The following PIM1 variants were observed in gnomAD, a reference collection of about 807,000 sequenced individuals.
The protein encoded by PIM1 is serine/threonine-protein kinase pim-1.
PIM1 carries 9 observed loss-of-function variants against 34.5 expected under a neutral mutation model. The observed-to-expected ratio is 0.26, with a 90% CI of 0.16 to 0.46. The LOEUF (loss-of-function observed/expected upper bound fraction) is 0.46, where lower values mean the gene tolerates loss of function less well. PIM1 is among the 20% of genes least tolerant of loss of function. PIM1 has a pLI of 1.00. For missense variants in PIM1, 274 were observed against 410.9 expected (o/e 0.67, Z 2.88); for synonymous variants, 199 against 175.2 (o/e 1.14, Z -1.07).
rs756971443 is a variant in PIM1 at position 37,171,130 on chromosome 6, T to C, written c.246T>C (p.Asn82=). The change falls in exon 4 of 6, where the codon AAT becomes AAC. Residue 82 remains asparagine, a synonymous_variant. Transcript: ENST00000373509. ...CGGCCCCCTCGCCCCTGCAGCCTAA[T>C]GGCACTCGAGTGCCCATGGAAGTGG... ...DRISDWGELP[N]GTRVPMEVVL... is the part of the protein sequence containing the mutation. 13 of 1,613,854 alleles carry C rather than the reference T, an allele frequency of 8.1e-6. No homozygotes were observed. The South Asian group carries it at 1.3e-4, about 16-fold the overall frequency.
At chr6:37,172,642 ATACCTTTCTTGG>A (rs1468599348) in intron 4 of PIM1, 2 of 485,324 alleles carry the variant, frequency 4.1e-6, no homozygotes, top group Admixed American at 4.6e-5. Flanking sequence ...AGTCTATGAG[ATACCTTTCTTGG>A]TTGTGCAGAC....
intron 4 of PIM1, 23 bp downstream of exon 4, chr6:37,171,514 C>G: frequency 6.2e-7 from 1 of 1,610,132 alleles, no homozygotes; most frequent in Non-Finnish European, 8.5e-7. Context: ...CGGGAGGGAG[C>G]TGCCCAGGTG....
Position 37,170,753 on chromosome 6 carries a change from C to T in PIM1, c.83-20C>T. 3.1e-6 allele frequency: 5 copies of T among 1,610,676 alleles called. No homozygotes were observed. The highest frequency in any genetic ancestry group is 4.2e-6 in the Non-Finnish European group (5 of 1,178,926). On this transcript the variant is annotated intron_variant, in intron 1 of 5. Transcript: ENST00000373509. ...GGCTCGCGGGCCGGCACTGAGTCCCCGTGCTTCCCCCTTTCCTAGGCAAGG... is the reference window on the plus strand; with the variant it reads ...GGCTCGCGGGCCGGCACTGAGTCCCTGTGCTTCCCCCTTTCCTAGGCAAGG...
At chr6:37,171,527 TCGGCCCGGCC>T (rs753471610) in intron 4 of PIM1, 36 bp downstream of exon 4, 7 of 1,603,300 alleles carry the variant, frequency 4.4e-6, no homozygotes, top group African/African-American at 2.7e-5. Context: ...CCCAGGTGAC[TCGGCCCGGCC>T]CGGCCCAGTC....
At position 37,170,639 on chromosome 6, in the gene PIM1, G is replaced by T. The variant is rs776506228; in HGVS notation, c.64G>T (p.Ala22Ser). 1.2e-6 allele frequency: 2 copies of T among 1,612,322 alleles called. No individual in the cohort carries two copies. The highest frequency in any genetic ancestry group is 1.7e-6 in the Non-Finnish European group (2 of 1,179,402). Residue 22 changes from alanine to serine, a missense_variant, in exon 1 of 6, where the codon GCC becomes TCC. Physicochemically the swap from Ala to Ser is moderately conservative, Grantham distance 99. Coordinates refer to ENST00000373509, the MANE Select transcript of PIM1 (RefSeq NM_002648.4). Reference sequence around the variant, plus strand: ...CGCCGCGCCCTGCAACGACCTGCACGCCACCAAGCTGGCGCCCGGTGAGAG... The same window carrying T: ...CGCCGCGCCCTGCAACGACCTGCACTCCACCAAGCTGGCGCCCGGTGAGAG... ...LRAAPCNDLH[A>S]TKLAPGKEKE... is the part of the protein sequence containing the mutation.
In PIM1 at chr6:37,170,625, G is replaced by T. The variant is rs532972131; in HGVS notation, c.50G>T (p.Cys17Phe). The T allele has an allele frequency of 1.2e-5, 19 of 1,612,634 alleles. No homozygotes were observed. Among genetic ancestry groups the T allele is most frequent in the Non-Finnish European group, 1.6e-5 (19 of 1,179,562 alleles). ...NSLAHLRAAP[C>F]NDLHATKLAP... ...CTTGCCCACCTGCGCGCCGCGCCCT[G>T]CAACGACCTGCACGCCACCAAGCTG... is the stretch of plus-strand genomic sequence containing the variant. The change falls in exon 1 of 6, where the codon TGC (cysteine) becomes TTC (phenylalanine). Residue 17 changes from cysteine (C) to phenylalanine (F), a missense_variant. This residue lies in a region of PIM1 where 106 missense variants were observed against 111.5 expected (regional missense o/e 0.95). Coordinates refer to ENST00000373509, the MANE Select transcript of PIM1 (RefSeq NM_002648.4).
At chr6:37,171,590 T>C (rs962300419) in intron 4 of PIM1, 99 bp downstream of exon 4, 3 of 1,419,940 alleles carry the variant, frequency 2.1e-6, no homozygotes, top group African/African-American at 2.9e-5. Flanking sequence ...TTTGTAAAGG[T>C]CATTGGGCCG....
chr6:37,174,322 CTCT>C lies in PIM1; in HGVS notation c.*238_*240del, dbSNP rs1026760142. 2.9e-5 allele frequency: 9 copies of C among 314,842 alleles called. No individual in the cohort carries two copies. The highest frequency in any genetic ancestry group is 1.9e-4 in the African/African-American group (8 of 41,756). The allele number at this position is 314,842 out of a possible 1,614,324, so 19.5% of individuals were successfully genotyped here. On this transcript the variant is annotated 3_prime_UTR_variant, in exon 6 of 6. Transcript: ENST00000373509. ...GGCCTCAACTCCTCCCATAGATACT[CTCT>C]TCTTCTCATAGGTGTCCAGCATTGC...
chr6:37,174,788 C>G lies in PIM1; in HGVS notation c.*697C>G. On this transcript the variant is annotated 3_prime_UTR_variant, in exon 6 of 6. Transcript: ENST00000373509. ...CTTTTTGGTTTTTACTTAACTGTTT[C>G]AAAGCCAAGACCTCACACACACAAA... 4.3e-6 allele frequency: 1 copy of G among 233,688 alleles called. No individual in the cohort carries two copies. Among genetic ancestry groups the G allele is most frequent in the East Asian group, 6.0e-5 (1 of 16,590 alleles). The allele number at this position is 233,688 out of a possible 1,614,324, so 14.5% of individuals were successfully genotyped here.
At chr6:37,172,974 C>T (rs769387280) in intron 4 of PIM1, 22 bp from the exon 5 acceptor site, 16 of 1,610,992 alleles carry the variant, frequency 9.9e-6, no homozygotes, top group Non-Finnish European at 1.7e-6. Flanking sequence ...TGTGTTTTCT[C>T]TTCTATTCCC....
rs748090745 is a variant in PIM1, at chr6:37,170,554, C to T, written c.-22C>T. The T allele has an allele frequency of 5.0e-5, 80 of 1,612,290 alleles. No homozygotes were observed. In the East Asian group the frequency reaches 1.4e-3, roughly 29 times the overall value. On this transcript the variant is annotated 5_prime_UTR_variant, in exon 1 of 6. Transcript: ENST00000373509. The stretch of plus-strand genomic sequence containing the variant: ...GCAGCTCCTCTGGGCACCGTCCCTG[C>T]GCCGACATCCTGGAGGTTGGGATGC...
intron 5 of PIM1, among the ~76,000 whole-genome samples, chr6:37,173,496 A>G (rs1270512859): frequency 6.6e-6 from 1 of 152,256 alleles, no homozygotes; most frequent in Non-Finnish European, 1.5e-5. Flanking sequence ...TAAAAAGTTA[A>G]AAGCTCTTTT....
At position 37,170,648 on chromosome 6, in the gene PIM1, C is replaced by T. The variant is rs774607869; in HGVS notation, c.73C>T (p.Leu25=). ...CTGCAACGACCTGCACGCCACCAAG[C>T]TGGCGCCCGGTGAGAGCACCCCCCG... ...APCNDLHATK[L]APGKEKEPLE... is the part of the protein sequence containing the mutation. Residue 25 remains leucine, a synonymous_variant, in exon 1 of 6, where the codon CTG becomes TTG. Transcript: ENST00000373509. The T allele has an allele frequency of 6.2e-6, 10 of 1,612,242 alleles. No homozygotes were observed. The highest frequency in any genetic ancestry group is 7.6e-6 in the Non-Finnish European group (9 of 1,179,386).
rs753624457 is a variant in PIM1 at position 37,170,910 on chromosome 6, C to T, written c.189+31C>T. The T allele has an allele frequency of 8.7e-6, 14 of 1,612,074 alleles. No individual in the cohort carries two copies. The East Asian group carries it at 2.9e-4, about 33-fold the overall frequency. On this transcript the variant is annotated intron_variant, in intron 2 of 5. Coordinates refer to ENST00000373509, the MANE Select transcript of PIM1 (RefSeq NM_002648.4). ...TGGGCGCCCCGCGGTGGGGAGGGCG[C>T]GCCGGGCGGGGGGCGCACGGGCGTG... is the stretch of plus-strand genomic sequence containing the variant.
chr6:37,171,170 G>A lies in PIM1; in HGVS notation c.286G>A (p.Val96Met). Reference protein sequence around the residue: ...VPMEVVLLKKVSSGFSGVIRL... With the variant: ...VPMEVVLLKKMSSGFSGVIRL... ...CATGGAAGTGGTCCTGCTGAAGAAG[G>A]TGAGCTCGGGTTTCTCCGGCGTCAT... is the stretch of plus-strand genomic sequence containing the variant. Residue 96 changes from valine (V) to methionine (M), a missense_variant, in exon 4 of 6, where the codon GTG becomes ATG. Physicochemically the swap from Val to Met is conservative, Grantham distance 21. This residue lies in a region of PIM1 where 168 missense variants were observed against 299.4 expected (regional missense o/e 0.56). Transcript: ENST00000373509. 1.2e-6 allele frequency: 2 copies of A among 1,614,116 alleles called. No individual in the cohort carries two copies. Among genetic ancestry groups the A allele is most frequent in the African/African-American group, 2.7e-5 (2 of 75,070 alleles).
chr6:37,172,893 GA>G, intron 4 of PIM1, 102 bp from the exon 5 acceptor site: 1 of 936,830 alleles, frequency 1.1e-6, no homozygotes, highest in Non-Finnish European at 1.7e-6. Context: ...TGAGAGAAGG[GA>G]TTTTTTTTTT....
rs1225207462 is a variant in PIM1 at position 37,170,518 on chromosome 6, C to T, written c.-58C>T. The T allele has an allele frequency of 1.9e-6, 3 of 1,607,164 alleles. No individual in the cohort carries two copies. Among genetic ancestry groups the T allele is most frequent in the Non-Finnish European group, 2.5e-6 (3 of 1,178,376 alleles). On this transcript the variant is annotated 5_prime_UTR_variant, in exon 1 of 6. Coordinates refer to ENST00000373509, the MANE Select transcript of PIM1 (RefSeq NM_002648.4). ...ATAGCCTTCGGCACAGCCCCGGCTC[C>T]GGCTCCTGCGGCAGCTCCTCTGGGC... is the stretch of plus-strand genomic sequence containing the variant.
chr6:37,175,366 TAA>T lies in PIM1; in HGVS notation c.*1278_*1279del, dbSNP rs1264356674. The T allele has an allele frequency of 8.6e-6, 2 of 232,992 alleles. No individual in the cohort carries two copies. Among genetic ancestry groups the T allele is most frequent in the Non-Finnish European group, 1.7e-5 (2 of 117,718 alleles). The allele number at this position is 232,992 out of a possible 1,614,324, so 14.4% of individuals were successfully genotyped here. ...CTGAGTGAAATACTGTACAGGGGAA[TAA>T]AAGAGATCTTATTTTTTTTTTTATA... is the stretch of plus-strand genomic sequence containing the variant. On this transcript the variant is annotated 3_prime_UTR_variant, in exon 6 of 6. Coordinates refer to ENST00000373509, the MANE Select transcript of PIM1 (RefSeq NM_002648.4).
Position 37,170,640 on chromosome 6 carries a change from C to T in PIM1, c.65C>T (p.Ala22Val). 3 of 1,612,434 alleles carry T rather than the reference C, an allele frequency of 1.9e-6. No individual in the cohort carries two copies. Among genetic ancestry groups the T allele is most frequent in the Non-Finnish European group, 2.5e-6 (3 of 1,179,416 alleles). Reference sequence around the variant, plus strand: ...GCCGCGCCCTGCAACGACCTGCACGCCACCAAGCTGGCGCCCGGTGAGAGC... The same window carrying T: ...GCCGCGCCCTGCAACGACCTGCACGTCACCAAGCTGGCGCCCGGTGAGAGC... ...LRAAPCNDLHATKLAPGKEKE... is the reference protein window; with the variant it reads ...LRAAPCNDLHVTKLAPGKEKE... The change falls in exon 1 of 6, where the codon GCC becomes GTC. Residue 22 changes from alanine to valine, a missense_variant. By Grantham distance (64) the Ala-to-Val change is moderately conservative. Coordinates refer to ENST00000373509, the MANE Select transcript of PIM1 (RefSeq NM_002648.4).
Sources: gnomAD v4.1 joint callset for allele counts (sites outside exome capture counted in the v4.1 genomes callset) on GRCh38, gnomAD v4.1.1 for gene constraint, gnomAD v4.1.1 regional missense constraint, MANE v1.5 for transcripts, NCBI Gene and HGNC (gene_info 2026-07-23, HGNC 2026-07-21) for gene names.